The following CAMTA1 variants were observed in gnomAD, a reference collection of about 807,000 sequenced individuals.
The protein encoded by CAMTA1 is calmodulin-binding transcription activator 1.
CAMTA1 carries 27 observed loss-of-function variants against 170.9 expected under a neutral mutation model. The ratio of observed to expected loss-of-function variants is 0.16; its 90% CI spans 0.12 to 0.22. The LOEUF (loss-of-function observed/expected upper bound fraction) is 0.22, where lower values mean the gene tolerates loss of function less well. CAMTA1 is among the 10% of genes least tolerant of loss of function. CAMTA1 has a pLI of 1.00. For missense variants in CAMTA1, 1,619 were observed against 2,217.2 expected (o/e 0.73, Z 5.42); for synonymous variants, 833 against 891.5 (o/e 0.93, Z 1.17).
chr1:6,996,164 A>T (rs570867465), intron 3 of CAMTA1, among the ~76,000 whole-genome samples: 100 of 152,358 alleles, frequency 6.6e-4, no homozygotes, highest in Non-Finnish European at 1.1e-3. Flanking sequence ...AGACATCTTC[A>T]TACAAAAATT....
chr1:6,955,827 T>C (rs1689356495), intron 3 of CAMTA1, among the ~76,000 whole-genome samples: 1 of 152,164 alleles, frequency 6.6e-6, no homozygotes, highest in Admixed American at 6.5e-5. Context: ...CTGTGTGGCC[T>C]GACCTCCATC....
chr1:7,477,935 C>T (rs934263167), intron 6 of CAMTA1, among the ~76,000 whole-genome samples: 4 of 152,230 alleles, frequency 2.6e-5, no homozygotes, highest in African/African-American at 4.8e-5. Context: ...ACCACCAGAG[C>T]CAAAGGTTTT....
intron 3 of CAMTA1, among the ~76,000 whole-genome samples, chr1:6,940,712 G>A (rs571223446): frequency 5.3e-5 from 8 of 152,076 alleles, no homozygotes; most frequent in African/African-American, 1.2e-4. Flanking sequence ...CAATAGAAAC[G>A]AGGGCCTCAG....
chr1:7,669,283 C>T (rs989129919), intron 9 of CAMTA1, among the ~76,000 whole-genome samples: 2 of 152,240 alleles, frequency 1.3e-5, no homozygotes, highest in African/African-American at 4.8e-5. Flanking sequence ...GAGCCCCTTC[C>T]GTGGAAGAAG....
chr1:7,266,089 C>G (rs924643325), intron 5 of CAMTA1, among the ~76,000 whole-genome samples: 2 of 152,208 alleles, frequency 1.3e-5, no homozygotes, highest in Non-Finnish European at 2.9e-5. Flanking sequence ...CAGGTTGTTT[C>G]AAAGTGGAAA....
intron 4 of CAMTA1, among the ~76,000 whole-genome samples, chr1:7,105,519 C>T (rs1428063235): frequency 1.3e-5 from 2 of 152,246 alleles, no homozygotes; most frequent in Non-Finnish European, 2.9e-5. Flanking sequence ...CTCCGTTCCA[C>T]TGAGCACTGG....
At position 7,767,161 on chromosome 1, in the gene CAMTA1, G is replaced by C. The variant is rs995861844; in HGVS notation, c.*670G>C. ...AAATTTGCAGAGGGGCAGGTGTGTGGTAAACGGGTAATGCATGGGAAATAA... is the reference window on the plus strand; with the variant it reads ...AAATTTGCAGAGGGGCAGGTGTGTGCTAAACGGGTAATGCATGGGAAATAA... On this transcript the variant is annotated 3_prime_UTR_variant, in exon 23 of 23. Coordinates refer to ENST00000303635, the MANE Select transcript of CAMTA1 (RefSeq NM_015215.4). 1 of 152,760 alleles carries C rather than the reference G, an allele frequency of 6.5e-6. No individual in the cohort carries two copies. The highest frequency in any genetic ancestry group is 2.4e-5 in the African/African-American group (1 of 41,426). The allele number at this position is 152,760 out of a possible 1,614,324, so 9.5% of individuals were successfully genotyped here. A position where few individuals can be genotyped will look rare whatever the true frequency, so the allele number is the denominator to read the frequency against.
chr1:7,563,768 T>C (rs995204811), intron 6 of CAMTA1, among the ~76,000 whole-genome samples: 1 of 152,246 alleles, frequency 6.6e-6, no homozygotes, highest in African/African-American at 2.4e-5. Context: ...GAATGCTATA[T>C]GGCTCTGCAA....
intron 3 of CAMTA1, among the ~76,000 whole-genome samples, chr1:6,876,927 T>C (rs955281784): frequency 6.6e-6 from 1 of 152,196 alleles, no homozygotes; most frequent in Admixed American, 6.5e-5. Flanking sequence ...TTTTAGCATA[T>C]CTGCTGCATA....
chr1:7,156,107 C>G (rs908014133), intron 4 of CAMTA1, among the ~76,000 whole-genome samples: 2 of 144,708 alleles, frequency 1.4e-5, no homozygotes, highest in African/African-American at 5.1e-5. Flanking sequence ...CAACATGTCT[C>G]TACAAAAAAT....
intron 3 of CAMTA1, among the ~76,000 whole-genome samples, chr1:6,905,447 G>A (rs573746202): frequency 3.9e-5 from 6 of 151,912 alleles, no homozygotes; most frequent in Non-Finnish European, 7.4e-5. Flanking sequence ...CACCTGCTTC[G>A]GCCTCCCAAA....
chr1:7,557,471 G>A (rs2094895477), intron 6 of CAMTA1, among the ~76,000 whole-genome samples: 1 of 152,174 alleles, frequency 6.6e-6, no homozygotes, highest in Admixed American at 6.5e-5. Context: ...CTGTTCCCCA[G>A]CTGTGACATT....
chr1:7,522,729 G>C (rs1448859872), intron 6 of CAMTA1, among the ~76,000 whole-genome samples: 1 of 152,150 alleles, frequency 6.6e-6, no homozygotes, highest in African/African-American at 2.4e-5. Context: ...TTTGGCCTGT[G>C]GATATCCAAT....
intron 5 of CAMTA1, among the ~76,000 whole-genome samples, chr1:7,407,559 C>T (rs564177429): frequency 1.6e-4 from 24 of 152,172 alleles, no homozygotes; most frequent in Non-Finnish European, 1.9e-4. Flanking sequence ...GGCCTCACCT[C>T]CCCACCCCCA....
At chr1:7,566,837 GCA>G (rs2095049193) in intron 6 of CAMTA1, among the ~76,000 whole-genome samples, 1 of 152,210 alleles carries the variant, frequency 6.6e-6, no homozygotes, top group East Asian at 1.9e-4. Flanking sequence ...CCCCAGATTG[GCA>G]CTAGGAGCAT....
intron 5 of CAMTA1, among the ~76,000 whole-genome samples, chr1:7,260,564 TCTC>T (rs1397511053): frequency 6.6e-6 from 1 of 152,238 alleles, no homozygotes; most frequent in Non-Finnish European, 1.5e-5. Context: ...CACTCTGTGT[TCTC>T]CTGTCTAGTG....
At position 7,367,324 on chromosome 1, in the gene CAMTA1, T is replaced by A. The variant is rs558004760; in HGVS notation, c.439-100506T>A. On this transcript the variant is annotated intron_variant, in intron 5 of 22. Coordinates refer to ENST00000303635, the MANE Select transcript of CAMTA1 (RefSeq NM_015215.4). ...GAAAGAGCTATAAGCTCCCCTGACA[T>A]AAAGGAGACCAGACTGCCCCCGTCC... Among the ~76,000 whole-genome samples, 3 of 152,354 alleles carry A rather than the reference T, an allele frequency of 2.0e-5. No homozygotes were observed. The East Asian group carries it at 5.8e-4, about 29-fold the overall frequency.
chr1:7,127,188 G>T (rs915358699), intron 4 of CAMTA1, among the ~76,000 whole-genome samples: 1 of 146,702 alleles, frequency 6.8e-6, no homozygotes, highest in Admixed American at 6.8e-5. Flanking sequence ...GGAATTCTCT[G>T]ATTGTTCAGC....
At chr1:7,654,457 C>T (rs1412847592) in intron 7 of CAMTA1, among the ~76,000 whole-genome samples, 1 of 151,722 alleles carries the variant, frequency 6.6e-6, no homozygotes, top group East Asian at 1.9e-4. Flanking sequence ...GATGTCAGAA[C>T]CCCTTGAACT....
Sources: gnomAD v4.1 joint callset for allele counts (sites outside exome capture counted in the v4.1 genomes callset) on GRCh38, gnomAD v4.1.1 for gene constraint, MANE v1.5 for transcripts, NCBI Gene and HGNC (gene_info 2026-07-23, HGNC 2026-07-21) for gene names.